Variants in PDE3A observed in about 807,000 individuals in gnomAD.
PDE3A encodes cGMP-inhibited 3',5'-cyclic phosphodiesterase 3A.
PDE3A carries 43 observed loss-of-function variants against 98.3 expected under a neutral mutation model. The ratio of observed to expected loss-of-function variants is 0.44; its 90% confidence interval spans 0.34 to 0.56. The LOEUF (loss-of-function observed/expected upper bound fraction) is 0.56, where lower values mean the gene tolerates loss of function less well. Ranked by LOEUF, PDE3A falls within the 20% of genes least tolerant of loss-of-function variation. The pLI is 0.01. For missense variants in PDE3A, 1,427 were observed against 1,440.7 expected (o/e 0.99, Z 0.15); for synonymous variants, 663 against 567.9 (o/e 1.17, Z -2.38).
chr12:20,634,483 A>G (rs1252312819), intron 7 of PDE3A, among the ~76,000 whole-genome samples: 4 of 152,192 alleles, frequency 2.6e-5, no homozygotes, highest in African/African-American at 9.6e-5. Flanking sequence ...AGCATATGCC[A>G]TCACTCTGTG....
intron 1 of PDE3A, among the ~76,000 whole-genome samples, chr12:20,436,764 G>A (rs10841525): frequency 0.26 from 39,799 of 151,994 alleles, 5,355 homozygotes; most frequent in Non-Finnish European, 0.29. Flanking sequence ...GAGCAAGGGA[G>A]GCTTAAATCC....
At chr12:20,443,052 C>G (rs891115497) in intron 1 of PDE3A, among the ~76,000 whole-genome samples, 4 of 150,300 alleles carry the variant, frequency 2.7e-5, no homozygotes. Flanking sequence ...CAAAATTCTA[C>G]AATGAAATGC....
rs575973162 is a variant in PDE3A, at chr12:20,640,761, G to A, written c.2251+804G>A. Reference sequence around the variant, plus strand: ...GTGCTACGAAATATATGGTTTGGGAGACAGTGTCTATAGGTCGAAACAGGG... The same window carrying A: ...GTGCTACGAAATATATGGTTTGGGAAACAGTGTCTATAGGTCGAAACAGGG... On this transcript the variant is annotated intron_variant, in intron 10 of 15. Transcript: ENST00000359062. Among the ~76,000 whole-genome samples the A allele has an allele frequency of 9.2e-5, 14 of 152,182 alleles. 1 individual carries two copies. The highest frequency in any genetic ancestry group is 3.1e-4 in the African/African-American group (13 of 41,532).
intron 2 of PDE3A, among the ~76,000 whole-genome samples, chr12:20,597,657 ACTT>A (rs1279282842): frequency 1.3e-5 from 2 of 151,988 alleles, no homozygotes; most frequent in Non-Finnish European, 2.9e-5. Context: ...CTTTCAACCA[ACTT>A]CTTTCACTCT....
At chr12:20,629,245 G>A (rs543662612) in intron 5 of PDE3A, among the ~76,000 whole-genome samples, 12 of 152,190 alleles carry the variant, frequency 7.9e-5, no homozygotes, top group African/African-American at 2.2e-4. Flanking sequence ...AGACAGTTTG[G>A]CCCAAATACC....
chr12:20,428,600 T>G (rs1054848562), intron 1 of PDE3A, among the ~76,000 whole-genome samples: 2 of 152,038 alleles, frequency 1.3e-5, no homozygotes, highest in African/African-American at 2.4e-5. Context: ...ATTTTAAAGA[T>G]ATTTATTTAT....
intron 1 of PDE3A, among the ~76,000 whole-genome samples, chr12:20,397,776 T>C (rs915260872): frequency 1.3e-5 from 2 of 152,108 alleles, no homozygotes; most frequent in African/African-American, 2.4e-5. Context: ...GATTCATTAA[T>C]TCAAAATTAC....
intron 1 of PDE3A, among the ~76,000 whole-genome samples, chr12:20,517,995 A>G (rs896251110): frequency 3.3e-5 from 5 of 152,178 alleles, no homozygotes; most frequent in African/African-American, 1.2e-4. Flanking sequence ...TGACTGTGCT[A>G]TGTTCTTTTC....
intron 2 of PDE3A, among the ~76,000 whole-genome samples, chr12:20,594,102 CTCTT>C (rs1565442179): frequency 6.6e-6 from 1 of 152,070 alleles, no homozygotes; most frequent in South Asian, 2.1e-4. Flanking sequence ...GAGCAGAACT[CTCTT>C]TAAGGGCTTT....
At chr12:20,667,635 T>G (rs528172215) in intron 15 of PDE3A, among the ~76,000 whole-genome samples, 1 of 152,192 alleles carries the variant, frequency 6.6e-6, no homozygotes, top group African/African-American at 2.4e-5. Context: ...ATATGTCCAT[T>G]TATATACTAA....
chr12:20,388,090 A>G (rs1943844960), intron 1 of PDE3A, among the ~76,000 whole-genome samples: 1 of 152,046 alleles, frequency 6.6e-6, no homozygotes, highest in South Asian at 2.1e-4. Context: ...TCCTTTGGAT[A>G]TGTTCACAGA....
chr12:20,604,233 G>A (rs1013159225), intron 2 of PDE3A, among the ~76,000 whole-genome samples: 1 of 150,060 alleles, frequency 6.7e-6, no homozygotes, highest in Non-Finnish European at 1.5e-5. Context: ...GAGGGGAGGG[G>A]AGGGAGATAA....
At chr12:20,420,331 C>T (rs575574083) in intron 1 of PDE3A, among the ~76,000 whole-genome samples, 2 of 152,266 alleles carry the variant, frequency 1.3e-5, no homozygotes, top group East Asian at 1.9e-4. Flanking sequence ...CCGATCTCCA[C>T]GCTCTAAACT....
At chr12:20,613,729 G>A (rs760299422) in intron 3 of PDE3A, 29 bp downstream of exon 3, 3 of 1,584,198 alleles carry the variant, frequency 1.9e-6, no homozygotes, top group Admixed American at 1.7e-5. Flanking sequence ...CCCCTTAAAG[G>A]GTTAAACTAT....
intron 1 of PDE3A, among the ~76,000 whole-genome samples, chr12:20,507,081 G>C (rs79939970): frequency 0.018 from 2,672 of 151,894 alleles, 35 homozygotes; most frequent in Non-Finnish European, 0.03. Flanking sequence ...TGATCCGGGG[G>C]GTAATTGTGC....
intron 2 of PDE3A, among the ~76,000 whole-genome samples, chr12:20,604,818 T>A (rs1204544640): frequency 6.6e-6 from 1 of 152,220 alleles, no homozygotes; most frequent in Non-Finnish European, 1.5e-5. Flanking sequence ...CTCAAGTATG[T>A]GTCCACTGAA....
intron 1 of PDE3A, among the ~76,000 whole-genome samples, chr12:20,529,608 T>C (rs547672915): frequency 6.6e-6 from 1 of 152,152 alleles, no homozygotes. Context: ...AGAATTCTAA[T>C]GATGCATCTA....
intron 2 of PDE3A, among the ~76,000 whole-genome samples, chr12:20,559,120 T>C (rs1942446768): frequency 6.6e-6 from 1 of 152,210 alleles, no homozygotes; most frequent in African/African-American, 2.4e-5. Context: ...GTATATATGA[T>C]GGTGGTCACA....
At chr12:20,671,220 A>G (rs1224624741) in intron 15 of PDE3A, among the ~76,000 whole-genome samples, 1 of 141,568 alleles carries the variant, frequency 7.1e-6, no homozygotes, top group East Asian at 2.1e-4. Flanking sequence ...GTTTACCAAC[A>G]AAAAAGAGTC....
Sources: gnomAD v4.1 joint callset for allele counts (sites outside exome capture counted in the v4.1 genomes callset) on GRCh38, gnomAD v4.1.1 for gene constraint, MANE v1.5 for transcripts, NCBI Gene and HGNC (gene_info 2026-07-23, HGNC 2026-07-21) for gene names.